NDUFAF7: variants seen among roughly 807,000 people sequenced by gnomAD.
The protein encoded by NDUFAF7 is protein arginine methyltransferase NDUFAF7, mitochondrial.
NDUFAF7 carries 48 observed loss-of-function variants against 47.2 expected under a neutral mutation model. The observed-to-expected ratio is 1.02, with a 90% CI of 0.81 to 1.29. The LOEUF (loss-of-function observed/expected upper bound fraction) is 1.29. Among genes scored for constraint, NDUFAF7 ranks in the 50% most tolerant of loss-of-function variants. NDUFAF7 has a pLI of 0.00. For synonymous variants in NDUFAF7, 217 were observed against 190.0 expected (o/e 1.14, Z -1.17); for missense variants, 635 against 537.6 (o/e 1.18, Z -1.79).
In NDUFAF7 at chr2:37,235,412, C is replaced by T. The variant is rs185541448; in HGVS notation, c.217-684C>T. The stretch of plus-strand genomic sequence containing the variant: ...AACAGAACATCACCAGCAGGCAGGG[C>T]CCATATGTGAGGCAGAAAGTGTTAG... On this transcript the variant is annotated intron_variant, in intron 2 of 9. Coordinates refer to ENST00000002125, the MANE Select transcript of NDUFAF7 (RefSeq NM_144736.5). 2.2e-3 allele frequency among the ~76,000 whole-genome samples: 341 copies of T among 152,154 alleles called. 2 individuals carry two copies. The highest frequency in any genetic ancestry group is 8.0e-3 in the African/African-American group (330 of 41,500).
chr2:37,259,698 T>C, the NDUFAF7 span: 2 of 1,568,310 alleles, frequency 1.3e-6, no homozygotes, highest in Non-Finnish European at 1.8e-6. Context: ...TGAAAAAAGA[T>C]TTTCTTTTCA....
intron 3 of NDUFAF7, among the ~76,000 whole-genome samples, chr2:37,236,415 AAG>A (rs755294336): frequency 2.0e-5 from 3 of 152,114 alleles, no homozygotes; most frequent in Non-Finnish European, 2.9e-5. Context: ...AAGAGGGACA[AAG>A]AGAAAGAGAA....
At chr2:37,237,250 G>A (rs72792821) in intron 3 of NDUFAF7, among the ~76,000 whole-genome samples, 21,827 of 152,254 alleles carry the variant, frequency 0.14, 1,716 homozygotes, top group South Asian at 0.26. Flanking sequence ...GATTATAGGC[G>A]TGAGCCACCA....
intron 7 of NDUFAF7, among the ~76,000 whole-genome samples, chr2:37,245,686 CA>C (rs5830461): frequency 0.98 from 149,059 of 152,262 alleles, 72,981 homozygotes; most frequent in East Asian, 1. Flanking sequence ...TCTAGGCAGA[CA>C]AAAAAAATCC....
the NDUFAF7 span, among the ~76,000 whole-genome samples, chr2:37,263,451 G>C: frequency 6.6e-6 from 1 of 152,110 alleles, no homozygotes; most frequent in Non-Finnish European, 1.5e-5. Context: ...ACCTTACTAT[G>C]TTTAGACCTT....
chr2:37,234,849 T>G (rs1665589701), intron 2 of NDUFAF7, among the ~76,000 whole-genome samples: 1 of 152,112 alleles, frequency 6.6e-6, no homozygotes, highest in Admixed American at 6.6e-5. Flanking sequence ...CAGGTGGGGA[T>G]GGGAAGCTGA....
Position 37,240,264 on chromosome 2 carries a change from A to T in NDUFAF7, c.409-1314A>T, listed in dbSNP as rs1206065454. 2.0e-5 allele frequency among the ~76,000 whole-genome samples: 3 copies of T among 152,092 alleles called. 1 individual carries two copies. Among genetic ancestry groups the T allele is most frequent in the Non-Finnish European group, 4.4e-5 (3 of 68,030 alleles). ...ACTCCATCTCTACAAAAAATACAAA[A>T]ATTACCCAGTCGTGGTAGCATGCGT... On this transcript the variant is annotated intron_variant, in intron 4 of 9. Coordinates refer to ENST00000002125, the MANE Select transcript of NDUFAF7 (RefSeq NM_144736.5).
At chr2:37,262,557 C>T in the NDUFAF7 span, among the ~76,000 whole-genome samples, 3 of 151,822 alleles carry the variant, frequency 2.0e-5, no homozygotes, top group African/African-American at 7.3e-5. Flanking sequence ...ACTCAAATAC[C>T]CCATAGTGGT....
At chr2:37,238,380 C>T (rs114750593) in intron 4 of NDUFAF7, among the ~76,000 whole-genome samples, 1,940 of 151,604 alleles carry the variant, frequency 0.013, 34 homozygotes, top group African/African-American at 0.045. Context: ...GTGATTGCTG[C>T]AGTGATTGAT....
chr2:37,252,177 T>G (rs1667554142), downstream of NDUFAF7: 1 of 152,084 alleles, frequency 6.6e-6, no homozygotes, highest in African/African-American at 2.4e-5. Context: ...CCCAATAGGC[T>G]AGGGGAAGGA....
At chr2:37,242,096 C>T (rs1486418664) in intron 5 of NDUFAF7, 8 of 396,294 alleles carry the variant, frequency 2.0e-5, no homozygotes, top group Admixed American at 4.3e-5. Flanking sequence ...CCCAAGGCAG[C>T]TGGGGCTGAT....
At chr2:37,249,643 G>GACACACACACACACACAC (rs56208997), downstream of NDUFAF7, among the ~76,000 whole-genome samples, 1,834 of 132,554 alleles carry the variant, frequency 0.014, 54 homozygotes, top group East Asian at 0.043. Flanking sequence ...CTGTGATAGA[G>GACACACACACACACACAC]ACACACACAC....
intron 4 of NDUFAF7, among the ~76,000 whole-genome samples, chr2:37,238,905 CAAA>C (rs35512230): frequency 2.1e-4 from 20 of 93,044 alleles, no homozygotes; most frequent in Middle Eastern, 4.9e-3. Context: ...GCTAAAAAAG[CAAA>C]AAAAAAAAAA....
the NDUFAF7 span, chr2:37,260,177 AT>A: frequency 2.0e-6 from 3 of 1,514,990 alleles, no homozygotes; most frequent in Non-Finnish European, 2.7e-6. Context: ...AAAAAAAAAA[AT>A]TAGTTTTTAA....
chr2:37,261,651 A>G, the NDUFAF7 span, among the ~76,000 whole-genome samples: 8 of 144,486 alleles, frequency 5.5e-5, no homozygotes, highest in Non-Finnish European at 1.1e-4. Context: ...GTGGTGGCGC[A>G]AGCCTGTAAT....
intron 2 of NDUFAF7, among the ~76,000 whole-genome samples, chr2:37,235,518 G>A (rs993379867): frequency 2.0e-5 from 3 of 152,062 alleles, no homozygotes; most frequent in Admixed American, 6.5e-5. Flanking sequence ...AGGGTCTGGC[G>A]TGCAGAGATG....
At chr2:37,256,912 A>G, downstream of NDUFAF7, 1 of 1,614,098 alleles carries the variant, frequency 6.2e-7, no homozygotes, top group Non-Finnish European at 8.5e-7. Context: ...GTGCAAATCC[A>G]AAGTCACACA....
chr2:37,239,691 G>A (rs1666157615), intron 4 of NDUFAF7, among the ~76,000 whole-genome samples: 2 of 152,084 alleles, frequency 1.3e-5, no homozygotes, highest in Admixed American at 6.6e-5. Context: ...AATCACAGTG[G>A]AATATAACAG....
chr2:37,268,528 T>C, the NDUFAF7 span: 1 of 345,142 alleles, frequency 2.9e-6, no homozygotes, highest in Non-Finnish European at 5.6e-6. Flanking sequence ...AAGACAATAA[T>C]GTAAACCCAA....
Sources: gnomAD v4.1 joint callset for allele counts (sites outside exome capture counted in the v4.1 genomes callset) on GRCh38, gnomAD v4.1.1 for gene constraint, MANE v1.5 for transcripts, NCBI Gene and HGNC (gene_info 2026-07-23, HGNC 2026-07-21) for gene names.